The following XYLT1 variants were observed in gnomAD, a reference collection of about 807,000 sequenced individuals.
XYLT1 encodes beta-D-xylosyltransferase 1.
A neutral mutation model predicts 91.3 loss-of-function variants in XYLT1; 36 were observed. That is an observed-to-expected ratio of 0.39 (90% CI 0.30 to 0.52). The LOEUF is 0.52. Ranked by LOEUF, XYLT1 falls within the 20% of genes least tolerant of loss-of-function variation. The pLI, the probability that XYLT1 is intolerant of heterozygous loss-of-function variation, is 0.68. For synonymous variants in XYLT1, 588 were observed against 532.0 expected, an observed-to-expected ratio of 1.11 and a Z score of -1.45; for missense variants, 1,242 against 1,284.5, an observed-to-expected ratio of 0.97 and a Z score of 0.51.
At chr16:17,466,791 G>A (rs764295909) in intron 1 of XYLT1, among the ~76,000 whole-genome samples, 1 of 151,792 alleles carries the variant, frequency 6.6e-6, no homozygotes, top group East Asian at 1.9e-4. Context: ...TAAACAGATG[G>A]CAACATTTGC....
rs1454340410 is a variant in XYLT1, at chr16:17,105,312, G to T, written c.*3383C>A. 6.6e-6 allele frequency: 1 copy of T among 152,180 alleles called. No homozygotes were observed. Among genetic ancestry groups the T allele is most frequent in the Non-Finnish European group, 1.5e-5 (1 of 68,044 alleles). The allele number at this position is 152,180 out of a possible 1,614,324, so 9.4% of individuals were successfully genotyped here. On this transcript the variant is annotated 3_prime_UTR_variant, in exon 12 of 12. Transcript: ENST00000261381. ...AAGCAATTGCAGTGAGTGAGAGATGGGGGCAGGTCCTGTGGTTCTGCTCAT... is the reference window on the plus strand; with the variant it reads ...AAGCAATTGCAGTGAGTGAGAGATGTGGGCAGGTCCTGTGGTTCTGCTCAT...
At chr16:17,253,436 G>A (rs892263043) in intron 3 of XYLT1, among the ~76,000 whole-genome samples, 9 of 152,238 alleles carry the variant, frequency 5.9e-5, no homozygotes, top group African/African-American at 1.9e-4. Flanking sequence ...AAAGCCATCC[G>A]GAGATAACCT....
rs1359081441 is a variant in XYLT1, at chr16:17,404,129, C to G, written c.364-46079G>C. The stretch of plus-strand genomic sequence containing the variant: ...GGGGGGGCTCAGGGAGGAGGTGTGA[C>G]AAGCCTGAGTGACCCAGGAGGGACT... On this transcript the variant is annotated intron_variant, in intron 1 of 11. Transcript: ENST00000261381. Among the ~76,000 whole-genome samples, 96 of 152,008 alleles carry G rather than the reference C, an allele frequency of 6.3e-4. 1 individual carries two copies. Among genetic ancestry groups the G allele is most frequent in the Non-Finnish European group, 8.8e-5 (6 of 67,976 alleles).
chr16:17,467,228 A>G (rs1480496204), intron 1 of XYLT1, among the ~76,000 whole-genome samples: 2 of 152,244 alleles, frequency 1.3e-5, no homozygotes, highest in African/African-American at 2.4e-5. Context: ...GTAACAGTTT[A>G]TCTAAGAACA....
At chr16:17,144,586 C>G (rs1006636947) in intron 6 of XYLT1, among the ~76,000 whole-genome samples, 6 of 152,140 alleles carry the variant, frequency 3.9e-5, no homozygotes, top group Admixed American at 3.3e-4. Context: ...AGACAGAAAA[C>G]AGACTCATCA....
chr16:17,357,190 A>AC (rs1354911477), intron 2 of XYLT1, among the ~76,000 whole-genome samples: 1 of 146,472 alleles, frequency 6.8e-6, no homozygotes, highest in East Asian at 2.0e-4. Flanking sequence ...AAAAAAAAAA[A>AC]AAAAAAAAAC....
rs188985518 is a variant in XYLT1 at position 17,383,369 on chromosome 16, C to T, written c.364-25319G>A. Among the ~76,000 whole-genome samples, 408 of 151,960 alleles carry T rather than the reference C, an allele frequency of 2.7e-3. 2 individuals carry two copies. The highest frequency in any genetic ancestry group is 9.5e-3 in the African/African-American group (394 of 41,560). On this transcript the variant is annotated intron_variant, in intron 1 of 11. Coordinates refer to ENST00000261381, the MANE Select transcript of XYLT1 (RefSeq NM_022166.4). ...GAAGATAAGTAGACCACTCCCTCCT[C>T]AGCTAGCTGGTTGCGGTCACTGCCA...
At chr16:17,148,256 T>C (rs1336419210) in intron 6 of XYLT1, among the ~76,000 whole-genome samples, 1 of 152,212 alleles carries the variant, frequency 6.6e-6, no homozygotes, top group Non-Finnish European at 1.5e-5. Flanking sequence ...GACTCAACCA[T>C]CAATCCCTTC....
At chr16:17,370,228 G>C (rs1250462258) in intron 1 of XYLT1, among the ~76,000 whole-genome samples, 1 of 152,184 alleles carries the variant, frequency 6.6e-6, no homozygotes, top group African/African-American at 2.4e-5. Context: ...CAGACCTCAT[G>C]CCAAGGTCAG....
At chr16:17,267,453 G>T (rs2033823308) in intron 2 of XYLT1, among the ~76,000 whole-genome samples, 2 of 152,252 alleles carry the variant, frequency 1.3e-5, no homozygotes, top group Non-Finnish European at 2.9e-5. Flanking sequence ...TGTCGCCCAG[G>T]CTGGAGTGCA....
chr16:17,278,165 C>A (rs891903797), intron 2 of XYLT1, among the ~76,000 whole-genome samples: 1 of 152,146 alleles, frequency 6.6e-6, no homozygotes, highest in African/African-American at 2.4e-5. Context: ...ACCAGCCAGC[C>A]GTGCCCAGAC....
At chr16:17,251,097 A>G (rs1455062591) in intron 3 of XYLT1, 1 of 152,224 alleles carries the variant, frequency 6.6e-6, no homozygotes, top group Admixed American at 6.5e-5. Flanking sequence ...CCCCCAGGGC[A>G]GGAGGGATGT....
chr16:17,235,961 G>A (rs1175655662), intron 3 of XYLT1, among the ~76,000 whole-genome samples: 1 of 152,096 alleles, frequency 6.6e-6, no homozygotes, highest in Non-Finnish European at 1.5e-5. Context: ...CTATCTCCCG[G>A]GTTCAAGCAA....
intron 1 of XYLT1, among the ~76,000 whole-genome samples, chr16:17,373,852 T>C (rs1323309568): frequency 1.3e-5 from 2 of 152,226 alleles, no homozygotes; most frequent in South Asian, 2.1e-4. Flanking sequence ...TCGTAATACC[T>C]ATAAAATTCA....
intron 2 of XYLT1, among the ~76,000 whole-genome samples, chr16:17,282,323 C>G (rs2034070273): frequency 6.6e-6 from 1 of 152,180 alleles, no homozygotes; most frequent in African/African-American, 2.4e-5. Context: ...CTACAATGCC[C>G]TTTTGAATGG....
rs960276910 is a variant in XYLT1, at chr16:17,247,212, C to T, written c.913+11776G>A. Among the ~76,000 whole-genome samples, 3 of 152,286 alleles carry T rather than the reference C, an allele frequency of 2.0e-5. No individual in the cohort carries two copies. In the South Asian group the frequency reaches 6.2e-4, roughly 32 times the overall value. On this transcript the variant is annotated intron_variant, in intron 3 of 11. Coordinates refer to ENST00000261381, the MANE Select transcript of XYLT1 (RefSeq NM_022166.4). ...TCAAGGGCCATGTCTGGGCTCCTTC[C>T]TTCTTGCACTAAGTCTCTGTCTTGG...
intron 7 of XYLT1, 119 bp downstream of exon 7, chr16:17,141,034 T>C: frequency 1.1e-6 from 1 of 935,322 alleles, no homozygotes; most frequent in Non-Finnish European, 1.7e-6. Flanking sequence ...GATGTCTGGG[T>C]GTGTAGAGGA....
intron 1 of XYLT1, among the ~76,000 whole-genome samples, chr16:17,379,638 A>C (rs1191300860): frequency 1.3e-5 from 2 of 152,052 alleles, no homozygotes; most frequent in Non-Finnish European, 2.9e-5. Flanking sequence ...TGAATTCTGA[A>C]TCTTGGTGTC....
chr16:17,148,752 G>A (rs1036110728), intron 6 of XYLT1, among the ~76,000 whole-genome samples: 1 of 152,140 alleles, frequency 6.6e-6, no homozygotes, highest in African/African-American at 2.4e-5. Context: ...TTGATGCCCT[G>A]ATTCACCATA....
Sources: allele counts gnomAD v4.1 joint callset (sites outside exome capture counted in the v4.1 genomes callset), GRCh38; gene constraint gnomAD v4.1.1; transcripts MANE v1.5; gene names NCBI Gene and HGNC (gene_info 2026-07-23, HGNC 2026-07-21).